Variants in KDM6A observed in about 807,000 individuals in gnomAD.
KDM6A encodes lysine-specific demethylase 6A.
KDM6A carries 11 observed loss-of-function variants against 117.6 expected under a neutral mutation model. That is an observed-to-expected ratio of 0.09 (90% CI 0.06 to 0.15). The LOEUF (loss-of-function observed/expected upper bound fraction) is 0.15. Ranked by LOEUF, KDM6A falls within the 10% of genes least tolerant of loss-of-function variation. The pLI, the probability that KDM6A is intolerant of heterozygous loss-of-function variation, is 1.00. For synonymous variants in KDM6A, 384 were observed against 396.1 expected (o/e 0.97, Z 0.36); for missense variants, 799 against 1,077.3 (o/e 0.74, Z 3.62).
intron 2 of KDM6A, among the ~76,000 whole-genome samples, chrX:44,918,583 TC>T (rs1190520135): frequency 9.0e-6 from 1 of 111,699 alleles, no homozygotes; most frequent in African/African-American, 3.3e-5. Flanking sequence ...TAAAAATTTT[TC>T]CATAGTGAAA....
At chrX:44,986,219 G>T in intron 4 of KDM6A, among the ~76,000 whole-genome samples, 1 of 111,871 alleles carries the variant, frequency 8.9e-6, no homozygotes, top group Non-Finnish European at 1.9e-5. Context: ...AGTATTCTCT[G>T]ATGGTAGTTT....
chrX:45,036,329 G>A (rs924905342), intron 7 of KDM6A, among the ~76,000 whole-genome samples: 5 of 111,615 alleles, frequency 4.5e-5, no homozygotes, highest in African/African-American at 1.6e-4. Context: ...TTGAATCAGC[G>A]AAAACTCTGT....
chrX:45,090,062 C>T (rs774234095), intron 26 of KDM6A, 132 bp downstream of exon 26: 1 of 477,369 alleles, frequency 2.1e-6, no homozygotes, highest in Non-Finnish European at 3.4e-6. Context: ...AATTGTAATT[C>T]GTAGTACAAC....
In KDM6A at chrX:44,918,115, C is replaced by G. The variant is rs747853885; in HGVS notation, c.226-43169C>G. ...ACTGTGTTGGCTTGTTCAAACATCT[C>G]TGAATAAATTCCTTATGTGTATTTT... On this transcript the variant is annotated intron_variant, in intron 2 of 29. Transcript: ENST00000611820. Among the ~76,000 whole-genome samples, 12 of 111,463 alleles carry G rather than the reference C, an allele frequency of 1.1e-4. No homozygotes were observed. The East Asian group carries it at 3.4e-3, about 31-fold the overall frequency.
chrX:45,076,583 T>C (rs2045125737), intron 18 of KDM6A, 114 bp from the exon 19 acceptor site: 2 of 536,755 alleles, frequency 3.7e-6, no homozygotes, highest in East Asian at 7.1e-5. Flanking sequence ...CCACATCTCA[T>C]GGACTTGTGC....
chrX:45,088,027 C>T (rs2045720392), intron 25 of KDM6A, among the ~76,000 whole-genome samples: 1 of 110,762 alleles, frequency 9.0e-6, no homozygotes, highest in Admixed American at 9.6e-5. Context: ...TAAAATGATG[C>T]ATGCTTTTTG....
chrX:45,050,836 TAA>T (rs1267416500), intron 8 of KDM6A, among the ~76,000 whole-genome samples: 1 of 111,411 alleles, frequency 9.0e-6, no homozygotes, highest in Non-Finnish European at 1.9e-5. Flanking sequence ...TGTGAAATCC[TAA>T]GTCTTACAGA....
intron 4 of KDM6A, among the ~76,000 whole-genome samples, chrX:44,989,398 C>T (rs2147380462): frequency 9.3e-6 from 1 of 107,638 alleles, no homozygotes; most frequent in African/African-American, 3.4e-5. Context: ...CAGTGGGCTG[C>T]ACCCACTGTC....
chrX:45,029,725 T>C (rs1171230399), intron 6 of KDM6A, among the ~76,000 whole-genome samples: 2 of 111,677 alleles, frequency 1.8e-5, no homozygotes, highest in Non-Finnish European at 3.8e-5. Context: ...TACATATCAG[T>C]CTCAAATATG....
intron 3 of KDM6A, among the ~76,000 whole-genome samples, chrX:44,966,622 A>G (rs764196088): frequency 9.0e-6 from 1 of 110,989 alleles, no homozygotes; most frequent in African/African-American, 3.3e-5. Context: ...CCTTGAAAAC[A>G]TGTGCTTCAT....
chrX:45,041,554 A>G (rs1329515768), intron 8 of KDM6A, among the ~76,000 whole-genome samples: 2 of 108,556 alleles, frequency 1.8e-5, no homozygotes, highest in Non-Finnish European at 3.8e-5. Flanking sequence ...TGCCAGGCAG[A>G]GGGTTTCCTC....
chrX:45,001,830 G>C (rs771169932), intron 4 of KDM6A, among the ~76,000 whole-genome samples: 1 of 111,079 alleles, frequency 9.0e-6, no homozygotes, highest in Non-Finnish European at 1.9e-5. Flanking sequence ...TTCCGCTGTA[G>C]GAACAGCAGT....
intron 2 of KDM6A, among the ~76,000 whole-genome samples, chrX:44,876,284 T>G (rs1048319323): frequency 1.8e-5 from 2 of 111,692 alleles, no homozygotes; most frequent in Non-Finnish European, 3.8e-5. Context: ...CAGTGGGGTG[T>G]GTAATGTAAA....
chrX:44,911,762 C>G lies in KDM6A; in HGVS notation c.225+37775C>G, dbSNP rs765311777. On this transcript the variant is annotated intron_variant, in intron 2 of 29. Transcript: ENST00000611820. ...ATTGAGCACTGAGTGAACGAGACTCCGTCTGCAATACCGGCACCTCGGGAG... is the reference window on the plus strand; with the variant it reads ...ATTGAGCACTGAGTGAACGAGACTCGGTCTGCAATACCGGCACCTCGGGAG... Among the ~76,000 whole-genome samples the G allele has an allele frequency of 5.6e-4, 63 of 112,078 alleles. 1 individual carries two copies. In the East Asian group the frequency reaches 9.4e-3, roughly 17 times the overall value.
chrX:44,924,166 C>T (rs1172449757), intron 2 of KDM6A, among the ~76,000 whole-genome samples: 2 of 111,788 alleles, frequency 1.8e-5, no homozygotes, highest in Non-Finnish European at 3.8e-5. Flanking sequence ...TTGACTAATG[C>T]TGCTATTTGT....
At chrX:45,089,699 C>G (rs2045810384) in intron 25 of KDM6A, 44 bp from the exon 26 acceptor site, 2 of 971,433 alleles carry the variant, frequency 2.1e-6, no homozygotes, top group Non-Finnish European at 2.9e-6. Context: ...CTAGGAGCTT[C>G]TTAATGTAGT....
intron 28 of KDM6A, among the ~76,000 whole-genome samples, chrX:45,109,170 A>T (rs1436337574): frequency 9.7e-6 from 1 of 103,101 alleles, no homozygotes; most frequent in East Asian, 3.3e-4. Context: ...ATAAATAAAT[A>T]AAGTACCTGT....
At chrX:45,031,715 A>T (rs1392545817) in intron 6 of KDM6A, among the ~76,000 whole-genome samples, 1 of 111,817 alleles carries the variant, frequency 8.9e-6, no homozygotes, top group Non-Finnish European at 1.9e-5. Flanking sequence ...AGGGTTCTAC[A>T]AGTAAAAAGA....
chrX:44,950,812 A>G (rs901873168), intron 2 of KDM6A, among the ~76,000 whole-genome samples: 3 of 109,531 alleles, frequency 2.7e-5, no homozygotes, highest in African/African-American at 1.0e-4. Flanking sequence ...TCTTTAATTC[A>G]TAGTACCCTC....
Sources: gnomAD v4.1 joint callset for allele counts (sites outside exome capture counted in the v4.1 genomes callset) on GRCh38, gnomAD v4.1.1 for gene constraint, MANE v1.5 for transcripts, NCBI Gene and HGNC (gene_info 2026-07-23, HGNC 2026-07-21) for gene names.